The following ERBB4 variants were observed in gnomAD, a reference collection of about 807,000 sequenced individuals.
The protein encoded by ERBB4 is receptor tyrosine-protein kinase erbB-4.
A neutral mutation model predicts 158.0 loss-of-function variants in ERBB4; 42 were observed. The ratio of observed to expected loss-of-function variants is 0.27; its 90% confidence interval spans 0.21 to 0.34. The LOEUF is 0.34. Ranked by LOEUF, ERBB4 falls within the 10% of genes least tolerant of loss-of-function variation. ERBB4 has a pLI of 1.00. For missense variants in ERBB4, 1,333 were observed against 1,624.1 expected (o/e 0.82, Z 3.08); for synonymous variants, 583 against 558.7 (o/e 1.04, Z -0.61).
chr2:211,519,341 C>T (rs1574657630), intron 20 of ERBB4, among the ~76,000 whole-genome samples: 1 of 152,068 alleles, frequency 6.6e-6, no homozygotes, highest in Non-Finnish European at 1.5e-5. Context: ...CTGTAAATTT[C>T]TCTTTTCTGT....
At chr2:212,208,216 G>C (rs2082824675) in intron 1 of ERBB4, among the ~76,000 whole-genome samples, 1 of 152,128 alleles carries the variant, frequency 6.6e-6, no homozygotes, top group Non-Finnish European at 1.5e-5. Context: ...TTAGGGTCCT[G>C]TTTGCCCTGG....
intron 4 of ERBB4, among the ~76,000 whole-genome samples, chr2:211,765,106 T>C (rs1218132061): frequency 6.6e-6 from 1 of 152,138 alleles, no homozygotes; most frequent in Non-Finnish European, 1.5e-5. Flanking sequence ...CGCCTCACAA[T>C]ATTTTAATCT....
Position 211,569,641 on chromosome 2 carries a change from C to CAT in ERBB4, c.2302-7555_2302-7554dup, listed in dbSNP as rs544050040. 1.4e-3 allele frequency among the ~76,000 whole-genome samples: 218 copies of CAT among 152,160 alleles called. 1 individual carries two copies. Among genetic ancestry groups the CAT allele is most frequent in the African/African-American group, 5.0e-3 (209 of 41,494 alleles). ...TGAGATCAGATTTATGAAACAAAGT[C>CAT]ATATATATAAATACTTGGAAAGAGC... On this transcript the variant is annotated intron_variant, in intron 19 of 27. Transcript: ENST00000342788.
In ERBB4 at chr2:211,377,837, C is replaced by G. The variant is rs1398602432; in HGVS notation, c.*5778G>C. The G allele has an allele frequency of 4.3e-6, 1 of 232,654 alleles. No individual in the cohort carries two copies. Among genetic ancestry groups the G allele is most frequent in the African/African-American group, 2.2e-5 (1 of 45,274 alleles). The allele number at this position is 232,654 out of a possible 1,614,324, so 14.4% of individuals were successfully genotyped here. A position where few individuals can be genotyped will look rare whatever the true frequency, so the allele number is the denominator to read the frequency against. ...GATTCATCACAGGGCTAACTCGTCT[C>G]AAATTCCTATAGGGAAGGACACAGA... On this transcript the variant is annotated 3_prime_UTR_variant, in exon 28 of 28. Transcript: ENST00000342788.
At chr2:212,284,028 G>T (rs751232143) in intron 1 of ERBB4, among the ~76,000 whole-genome samples, 10 of 151,696 alleles carry the variant, frequency 6.6e-5, no homozygotes, top group Non-Finnish European at 1.3e-4. Context: ...TTTTTTCTGG[G>T]TACAGTGAAC....
intron 2 of ERBB4, among the ~76,000 whole-genome samples, chr2:211,990,225 T>C (rs767789590): frequency 3.3e-5 from 5 of 150,946 alleles, no homozygotes; most frequent in African/African-American, 4.8e-5. Context: ...TGACGAATTA[T>C]AAAACACGAT....
chr2:212,318,272 G>T (rs571471033), intron 1 of ERBB4, among the ~76,000 whole-genome samples: 45 of 151,638 alleles, frequency 3.0e-4, no homozygotes, highest in African/African-American at 1.1e-3. Flanking sequence ...CTTAGTTTGG[G>T]TTATATTGTT....
At chr2:212,053,888 C>T (rs1351463560) in intron 2 of ERBB4, among the ~76,000 whole-genome samples, 1 of 152,168 alleles carries the variant, frequency 6.6e-6, no homozygotes, top group African/African-American at 2.4e-5. Flanking sequence ...TCTCAAGAAA[C>T]ACTTATTAAA....
At chr2:211,614,523 T>G (rs1294668403) in intron 19 of ERBB4, among the ~76,000 whole-genome samples, 1 of 152,028 alleles carries the variant, frequency 6.6e-6, no homozygotes, top group Non-Finnish European at 1.5e-5. Flanking sequence ...AAACTTCTCA[T>G]GTACCCCATA....
At chr2:211,771,030 C>T (rs2075678752) in intron 4 of ERBB4, among the ~76,000 whole-genome samples, 2 of 152,210 alleles carry the variant, frequency 1.3e-5, no homozygotes, top group South Asian at 2.1e-4. Context: ...ATGTCTGCAT[C>T]ATATTAGGCT....
At chr2:212,129,435 T>C (rs978357983) in intron 1 of ERBB4, among the ~76,000 whole-genome samples, 1 of 151,278 alleles carries the variant, frequency 6.6e-6, no homozygotes, top group African/African-American at 2.4e-5. Flanking sequence ...TATAATATAA[T>C]ATTATACAAT....
intron 1 of ERBB4, among the ~76,000 whole-genome samples, chr2:212,176,291 G>A (rs2081660595): frequency 6.6e-6 from 1 of 151,892 alleles, no homozygotes; most frequent in Non-Finnish European, 1.5e-5. Context: ...AATCCCCAAA[G>A]TGATGGTATT....
At chr2:212,348,958 G>A (rs568864450) in intron 1 of ERBB4, among the ~76,000 whole-genome samples, 24 of 152,176 alleles carry the variant, frequency 1.6e-4, no homozygotes, top group Non-Finnish European at 3.1e-4. Flanking sequence ...GAAAGAGAGC[G>A]GAATCTATGA....
chr2:212,279,476 A>G (rs527737397), intron 1 of ERBB4, among the ~76,000 whole-genome samples: 1 of 151,728 alleles, frequency 6.6e-6, no homozygotes, highest in South Asian at 2.1e-4. Context: ...TTAATTAAAG[A>G]AAATCTGCCA....
chr2:212,229,994 G>A (rs1178356501), intron 1 of ERBB4, among the ~76,000 whole-genome samples: 1 of 151,978 alleles, frequency 6.6e-6, no homozygotes. Context: ...TCAGAATATA[G>A]GCTACAACCG....
In ERBB4 at chr2:211,422,953, G is replaced by C. The variant is rs73985437; in HGVS notation, c.2867-849C>G. Reference sequence around the variant, plus strand: ...TTAATAGAATAAGGCTGTAAAGCTTGTTCCTTCCTTTTCCGGGAGTTCAGT... The same window carrying C: ...TTAATAGAATAAGGCTGTAAAGCTTCTTCCTTCCTTTTCCGGGAGTTCAGT... On this transcript the variant is annotated intron_variant, in intron 23 of 27. Transcript: ENST00000342788. Among the ~76,000 whole-genome samples, 1,270 of 151,930 alleles carry C rather than the reference G, an allele frequency of 8.4e-3. 16 individuals carry two copies. The highest frequency in any genetic ancestry group is 0.029 in the African/African-American group (1,224 of 41,514).
At chr2:212,132,965 A>G (rs964387380) in intron 1 of ERBB4, among the ~76,000 whole-genome samples, 2 of 152,082 alleles carry the variant, frequency 1.3e-5, no homozygotes, top group African/African-American at 2.4e-5. Flanking sequence ...AAAGAAAATA[A>G]CAGGTCATAC....
chr2:212,438,706 G>A (rs943190278), intron 1 of ERBB4, among the ~76,000 whole-genome samples: 13 of 152,092 alleles, frequency 8.5e-5, no homozygotes, highest in South Asian at 4.2e-4. Context: ...TTAGCTTCCC[G>A]TTAATCTGTA....
intron 1 of ERBB4, among the ~76,000 whole-genome samples, chr2:212,377,074 G>A (rs1226697584): frequency 2.0e-5 from 3 of 151,624 alleles, no homozygotes; most frequent in Admixed American, 1.3e-4. Context: ...TTGTTTTGTT[G>A]ACATTGCCTT....
Sources: allele counts gnomAD v4.1 joint callset (sites outside exome capture counted in the v4.1 genomes callset), GRCh38; gene constraint gnomAD v4.1.1; transcripts MANE v1.5; gene names NCBI Gene and HGNC (gene_info 2026-07-23, HGNC 2026-07-21).